The following ARFIP1 variants were observed in gnomAD, a reference collection of about 807,000 sequenced individuals.
ARFIP1 encodes arfaptin-1.
Under a neutral mutation model 42.5 loss-of-function variants are expected in ARFIP1, and 24 were observed. The observed-to-expected ratio is 0.57, with a 90% CI of 0.41 to 0.80. The LOEUF (loss-of-function observed/expected upper bound fraction) is 0.80, where lower values mean the gene tolerates loss of function less well. Ranked by LOEUF, ARFIP1 falls within the 30% of genes least tolerant of loss-of-function variation. The pLI, the probability that ARFIP1 is intolerant of heterozygous loss-of-function variation, is 0.00. For missense variants in ARFIP1, 354 were observed against 434.0 expected (o/e 0.82, Z 1.64); for synonymous variants, 141 against 153.7 (o/e 0.92, Z 0.61).
chr4:152,840,713 C>CTT (rs764318893), intron 2 of ARFIP1, among the ~76,000 whole-genome samples: 3,990 of 107,610 alleles, frequency 0.037, 147 homozygotes, highest in Non-Finnish European at 0.055. Flanking sequence ...GGCTCTGTAT[C>CTT]TTTTTTTTTT....
intron 1 of ARFIP1, among the ~76,000 whole-genome samples, chr4:152,828,297 A>C (rs1171175943): frequency 6.6e-6 from 1 of 152,250 alleles, no homozygotes; most frequent in Non-Finnish European, 1.5e-5. Flanking sequence ...ACTCTGTTTC[A>C]TAGTGGCTGT....
At chr4:152,906,743 T>C (rs370065651) in intron 8 of ARFIP1, among the ~76,000 whole-genome samples, 16 of 152,196 alleles carry the variant, frequency 1.1e-4, no homozygotes, top group African/African-American at 3.9e-4. Context: ...TCTAAGGGCC[T>C]GCACCATCTA....
chr4:152,836,851 CT>C (rs1409051372), intron 2 of ARFIP1, among the ~76,000 whole-genome samples: 1 of 151,924 alleles, frequency 6.6e-6, no homozygotes, highest in Non-Finnish European at 1.5e-5. Flanking sequence ...TGAATAAGTT[CT>C]TTAGTGGTGA....
intron 2 of ARFIP1, among the ~76,000 whole-genome samples, chr4:152,850,474 G>A (rs1377618015): frequency 3.3e-5 from 5 of 152,074 alleles, no homozygotes; most frequent in Admixed American, 2.6e-4. Context: ...AGGTGGGGAC[G>A]AGGGCAGTGA....
intron 3 of ARFIP1, among the ~76,000 whole-genome samples, chr4:152,864,913 CTTTTTTTTTT>C (rs34123163): frequency 3.6e-5 from 4 of 112,462 alleles, no homozygotes; most frequent in Admixed American, 2.7e-4. Flanking sequence ...CTTTTTTAAA[CTTTTTTTTTT>C]TTTTTTTTTT....
At chr4:152,868,954 C>G (rs963265697) in intron 3 of ARFIP1, among the ~76,000 whole-genome samples, 1 of 152,068 alleles carries the variant, frequency 6.6e-6, no homozygotes, top group African/African-American at 2.4e-5. Flanking sequence ...TTAATCTTAC[C>G]GTTTAATGTG....
chr4:152,854,157 C>T (rs879810012), intron 2 of ARFIP1, among the ~76,000 whole-genome samples: 2 of 152,128 alleles, frequency 1.3e-5, no homozygotes, highest in Non-Finnish European at 2.9e-5. Context: ...AGGTGATCCA[C>T]CTGCCTCAGC....
intron 1 of ARFIP1, among the ~76,000 whole-genome samples, chr4:152,827,662 T>C (rs545220763): frequency 5.3e-4 from 80 of 152,250 alleles, no homozygotes; most frequent in Admixed American, 1.0e-3. Flanking sequence ...ATACAGTATG[T>C]AGCCTTTTCA....
intron 8 of ARFIP1, among the ~76,000 whole-genome samples, chr4:152,890,904 C>T (rs994755515): frequency 2.0e-5 from 3 of 152,120 alleles, no homozygotes; most frequent in Non-Finnish European, 2.9e-5. Context: ...ATGATGTCTT[C>T]GTCTTTTTGG....
intron 1 of ARFIP1, chr4:152,809,814 A>G (rs752115400): frequency 6.6e-6 from 1 of 152,220 alleles, no homozygotes; most frequent in South Asian, 2.1e-4. Context: ...TACATTCTAC[A>G]TACAACTCAA....
intron 1 of ARFIP1, among the ~76,000 whole-genome samples, chr4:152,806,163 T>C (rs554355925): frequency 1.3e-5 from 2 of 152,384 alleles, no homozygotes; most frequent in Non-Finnish European, 1.5e-5. Context: ...TCTTTAGATA[T>C]TCTCTTTGAG....
chr4:152,783,579 A>G (rs563278205), intron 1 of ARFIP1, among the ~76,000 whole-genome samples: 1 of 152,216 alleles, frequency 6.6e-6, no homozygotes, highest in Non-Finnish European at 1.5e-5. Context: ...GAGCCAGTGC[A>G]TGGCTCCACC....
intron 1 of ARFIP1, among the ~76,000 whole-genome samples, chr4:152,827,136 AT>A: frequency 6.6e-6 from 1 of 152,340 alleles, no homozygotes; most frequent in South Asian, 2.1e-4. Flanking sequence ...AACTATACAC[AT>A]AGGTTAAGAT....
intron 8 of ARFIP1, among the ~76,000 whole-genome samples, chr4:152,891,546 C>T (rs1338743764): frequency 2.6e-5 from 4 of 152,022 alleles, no homozygotes; most frequent in Non-Finnish European, 5.9e-5. Flanking sequence ...AGGTTTTTAG[C>T]CTAGGAACTG....
chr4:152,846,333 T>C (rs2149860947), intron 2 of ARFIP1, among the ~76,000 whole-genome samples: 1 of 152,246 alleles, frequency 6.6e-6, no homozygotes, highest in East Asian at 1.9e-4. Context: ...AACCTGCACA[T>C]GTAACCCCTG....
At chr4:152,883,599 T>C (rs554643817) in intron 7 of ARFIP1, among the ~76,000 whole-genome samples, 1 of 151,968 alleles carries the variant, frequency 6.6e-6, no homozygotes, top group Non-Finnish European at 1.5e-5. Context: ...CCTATTTTAA[T>C]GGGTTTTTGT....
intron 8 of ARFIP1, among the ~76,000 whole-genome samples, chr4:152,905,566 T>TTTTTGTTTTTTTTTTTTG: frequency 7.5e-6 from 1 of 133,426 alleles, no homozygotes; most frequent in Non-Finnish European, 1.6e-5. Context: ...TTTTTTTTTT[T>TTTTTGTTTTTTTTTTTTG]TTTTGAGATG....
chr4:152,869,147 C>T (rs538709575), intron 3 of ARFIP1, among the ~76,000 whole-genome samples: 1 of 152,196 alleles, frequency 6.6e-6, no homozygotes, highest in Admixed American at 6.5e-5. Flanking sequence ...TGTTAGAACT[C>T]GTGACAGTTT....
At chr4:152,908,292 C>G (rs1579059171) in intron 8 of ARFIP1, among the ~76,000 whole-genome samples, 1 of 152,150 alleles carries the variant, frequency 6.6e-6, no homozygotes, top group Non-Finnish European at 1.5e-5. Flanking sequence ...TATCTTTTCA[C>G]TATATTTTCA....
Sources: gnomAD v4.1 joint callset for allele counts (sites outside exome capture counted in the v4.1 genomes callset) on GRCh38, gnomAD v4.1.1 for gene constraint, MANE v1.5 for transcripts, NCBI Gene and HGNC (gene_info 2026-07-23, HGNC 2026-07-21) for gene names.